SENP6: variants seen among roughly 807,000 people sequenced by gnomAD.
SENP6 encodes sentrin-specific protease 6.
A neutral mutation model predicts 134.5 loss-of-function variants in SENP6; 41 were observed. The observed-to-expected ratio is 0.30, with a 90% CI of 0.24 to 0.40. SENP6 has a LOEUF of 0.40. Among genes scored for constraint, SENP6 ranks in the 10% least tolerant of loss-of-function variants. The pLI is 1.00. For missense variants in SENP6, 1,248 were observed against 1,312.5 expected (o/e 0.95, Z 0.76); for synonymous variants, 395 against 429.8 (o/e 0.92, Z 1.00).
intron 1 of SENP6, among the ~76,000 whole-genome samples, chr6:75,617,592 C>G (rs1219403349): frequency 2.0e-5 from 3 of 152,000 alleles, no homozygotes; most frequent in Non-Finnish European, 4.4e-5. Flanking sequence ...TAGAGAACTT[C>G]TATATAACTT....
intron 11 of SENP6, among the ~76,000 whole-genome samples, chr6:75,673,741 A>G (rs890143270): frequency 6.6e-6 from 1 of 151,882 alleles, no homozygotes; most frequent in African/African-American, 2.4e-5. Flanking sequence ...TAAATGCTTT[A>G]TGTCAGCCAG....
chr6:75,685,404 G>A lies in SENP6; in HGVS notation c.2075+6477G>A, dbSNP rs151161750. On this transcript the variant is annotated intron_variant, in intron 16 of 23. Transcript: ENST00000447266. The stretch of plus-strand genomic sequence containing the variant: ...CTCCTTCAGTTCTGCTTTGATCTTA[G>A]TTATTTCTTGCCTTCTGCTAGCTTT... Among the ~76,000 whole-genome samples the A allele has an allele frequency of 4.2e-3, 640 of 152,086 alleles. 7 individuals carry two copies. Among genetic ancestry groups the A allele is most frequent in the Non-Finnish European group, 6.9e-3 (470 of 68,004 alleles).
At chr6:75,651,201 C>A (rs1254149962) in intron 7 of SENP6, among the ~76,000 whole-genome samples, 2 of 152,016 alleles carry the variant, frequency 1.3e-5, no homozygotes, top group African/African-American at 4.8e-5. Context: ...TTCTTAAACT[C>A]CCTTTTTTTT....
At chr6:75,663,606 A>G in intron 9 of SENP6, 88 bp downstream of exon 9, 3 of 926,584 alleles carry the variant, frequency 3.2e-6, no homozygotes, top group Non-Finnish European at 4.8e-6. Flanking sequence ...AACCCCATAT[A>G]TATTTTTAAT....
chr6:75,602,853 G>C (rs2149814150), intron 1 of SENP6, among the ~76,000 whole-genome samples: 1 of 152,318 alleles, frequency 6.6e-6, no homozygotes, highest in East Asian at 1.9e-4. Context: ...GCGCGCTGAA[G>C]TCTTTGACAT....
intron 3 of SENP6, among the ~76,000 whole-genome samples, chr6:75,631,825 T>G (rs184537061): frequency 6.6e-6 from 1 of 152,352 alleles, no homozygotes; most frequent in Non-Finnish European, 1.5e-5. Context: ...TTTGTATAAA[T>G]GTATTTCATA....
intron 1 of SENP6, among the ~76,000 whole-genome samples, chr6:75,613,434 G>T (rs1057238880): frequency 2.0e-5 from 3 of 152,040 alleles, no homozygotes; most frequent in Non-Finnish European, 4.4e-5. Flanking sequence ...ACAGAAAAAG[G>T]CTGGTGACCT....
intron 3 of SENP6, among the ~76,000 whole-genome samples, chr6:75,630,262 GT>G (rs1769009265): frequency 1.3e-5 from 2 of 151,970 alleles, no homozygotes; most frequent in African/African-American, 4.8e-5. Flanking sequence ...TAGAGACGGG[GT>G]TTCACCATGT....
intron 23 of SENP6, among the ~76,000 whole-genome samples, chr6:75,714,285 C>T (rs1775914926): frequency 6.6e-6 from 1 of 152,166 alleles, no homozygotes; most frequent in Non-Finnish European, 1.5e-5. Flanking sequence ...ACAGTGTCAA[C>T]CATTTCTTCC....
intron 16 of SENP6, among the ~76,000 whole-genome samples, chr6:75,688,363 GC>G (rs1297039031): frequency 1.3e-5 from 2 of 152,138 alleles, no homozygotes; most frequent in Non-Finnish European, 2.9e-5. Context: ...GTGAGGTGAT[GC>G]CCCGCCCTGC....
intron 5 of SENP6, among the ~76,000 whole-genome samples, chr6:75,639,513 T>C (rs893684456): frequency 1.3e-4 from 20 of 152,252 alleles, no homozygotes; most frequent in African/African-American, 4.1e-4. Context: ...AGAATTGATA[T>C]AGGAATTTGG....
At chr6:75,653,231 A>C (rs1287124621) in intron 7 of SENP6, among the ~76,000 whole-genome samples, 1 of 152,024 alleles carries the variant, frequency 6.6e-6, no homozygotes, top group Non-Finnish European at 1.5e-5. Flanking sequence ...GGGTTTCTCC[A>C]TGTTGGTCAG....
chr6:75,632,628 G>A (rs567052501), intron 3 of SENP6, among the ~76,000 whole-genome samples: 2 of 152,156 alleles, frequency 1.3e-5, no homozygotes, highest in South Asian at 2.1e-4. Context: ...ATCTCTTTTC[G>A]AACAAATGGA....
At chr6:75,663,998 G>T (rs1055684964) in intron 9 of SENP6, among the ~76,000 whole-genome samples, 4 of 151,846 alleles carry the variant, frequency 2.6e-5, no homozygotes, top group Non-Finnish European at 5.9e-5. Context: ...AAATTATTGG[G>T]GACTGGTTGA....
chr6:75,690,737 A>G (rs1774181897), intron 16 of SENP6, among the ~76,000 whole-genome samples: 1 of 150,010 alleles, frequency 6.7e-6, no homozygotes, highest in Admixed American at 6.7e-5. Flanking sequence ...TCTGTCACCC[A>G]GGCTCTGGAG....
At chr6:75,655,257 T>A (rs1771225906) in intron 7 of SENP6, 1 of 152,284 alleles carries the variant, frequency 6.6e-6, no homozygotes, top group Non-Finnish European at 1.5e-5. Flanking sequence ...CCCCTGGCGA[T>A]CAATGGGGTG....
intron 16 of SENP6, among the ~76,000 whole-genome samples, chr6:75,692,467 C>A (rs1287910001): frequency 6.7e-6 from 1 of 149,058 alleles, no homozygotes; most frequent in Non-Finnish European, 1.5e-5. Flanking sequence ...CAAAAACATA[C>A]AAAAAAAAAA....
chr6:75,608,516 A>C (rs1179683079), intron 1 of SENP6, among the ~76,000 whole-genome samples: 1 of 151,924 alleles, frequency 6.6e-6, no homozygotes, highest in Non-Finnish European at 1.5e-5. Flanking sequence ...GGAGGAAGGA[A>C]AGAAAGAAGG....
chr6:75,651,749 T>C (rs577806452), intron 7 of SENP6, among the ~76,000 whole-genome samples: 2 of 152,360 alleles, frequency 1.3e-5, no homozygotes, highest in African/African-American at 4.8e-5. Context: ...TTTAAATTGA[T>C]ACATAATATT....
Sources: gnomAD v4.1 joint callset for allele counts (sites outside exome capture counted in the v4.1 genomes callset) on GRCh38, gnomAD v4.1.1 for gene constraint, MANE v1.5 for transcripts, NCBI Gene and HGNC (gene_info 2026-07-23, HGNC 2026-07-21) for gene names.